The following SLC39A10 variants were observed in gnomAD, a reference collection of about 807,000 sequenced individuals.
SLC39A10 encodes the protein zinc transporter ZIP10.
A neutral mutation model predicts 65.1 loss-of-function variants in SLC39A10; 13 were observed. The ratio of observed to expected loss-of-function variants is 0.20; its 90% CI spans 0.13 to 0.32. SLC39A10 has a LOEUF of 0.32. SLC39A10 is among the 10% of genes least tolerant of loss of function. SLC39A10 has a pLI of 1.00. For synonymous variants in SLC39A10, 321 were observed against 342.2 expected, an observed-to-expected ratio of 0.94 and a Z score of 0.68; for missense variants, 831 against 1,018.4, an observed-to-expected ratio of 0.82 and a Z score of 2.50.
intron 2 of SLC39A10, among the ~76,000 whole-genome samples, chr2:195,635,279 C>T (rs1015602623): frequency 6.6e-6 from 1 of 152,186 alleles, no homozygotes; most frequent in South Asian, 2.1e-4. Context: ...CCTGGAGGCC[C>T]CTCTGGGTTA....
At chr2:195,705,971 C>CT (rs1265852744) in intron 3 of SLC39A10, among the ~76,000 whole-genome samples, 1 of 151,666 alleles carries the variant, frequency 6.6e-6, no homozygotes, top group Non-Finnish European at 1.5e-5. Flanking sequence ...TATATAGTGA[C>CT]TTTTTTTTAA....
At chr2:195,661,198 G>C (rs965413447) in intron 1 of SLC39A10, among the ~76,000 whole-genome samples, 1 of 151,864 alleles carries the variant, frequency 6.6e-6, no homozygotes, top group African/African-American at 2.4e-5. Flanking sequence ...AAGGTTTTAG[G>C]TTTTATTTAG....
At chr2:195,707,494 G>A (rs1045171807) in intron 4 of SLC39A10, among the ~76,000 whole-genome samples, 1 of 152,022 alleles carries the variant, frequency 6.6e-6, no homozygotes, top group Admixed American at 6.6e-5. Context: ...GAGAATTTGG[G>A]AGACAGGATT....
chr2:195,675,074 G>A (rs1026764073), intron 1 of SLC39A10, among the ~76,000 whole-genome samples: 1 of 152,174 alleles, frequency 6.6e-6, no homozygotes, highest in Non-Finnish European at 1.5e-5. Context: ...GCATGGGCAT[G>A]TGGTAGAGAC....
At chr2:195,623,099 G>A (rs545940975) in intron 2 of SLC39A10, among the ~76,000 whole-genome samples, 3 of 152,188 alleles carry the variant, frequency 2.0e-5, no homozygotes, top group African/African-American at 7.2e-5. Flanking sequence ...GATTACCTAG[G>A]CTAAGTCAGC....
At chr2:195,685,060 A>T (rs1690473711) in intron 3 of SLC39A10, among the ~76,000 whole-genome samples, 1 of 152,176 alleles carries the variant, frequency 6.6e-6, no homozygotes, top group Admixed American at 6.5e-5. Flanking sequence ...TTAGTCCTGT[A>T]ACCATTTTGC....
intron 1 of SLC39A10, among the ~76,000 whole-genome samples, chr2:195,674,026 A>G (rs1244873163): frequency 1.3e-5 from 2 of 152,174 alleles, no homozygotes; most frequent in Non-Finnish European, 2.9e-5. Flanking sequence ...TTCTCTTGCT[A>G]CATGAATATA....
At chr2:195,637,909 A>G (rs892208327) in intron 2 of SLC39A10, among the ~76,000 whole-genome samples, 2 of 152,212 alleles carry the variant, frequency 1.3e-5, no homozygotes, top group African/African-American at 4.8e-5. Context: ...GTGATAAGAC[A>G]AGTTAGTTAA....
At chr2:195,649,527 A>T (rs1166901451) in intron 2 of SLC39A10, among the ~76,000 whole-genome samples, 3 of 147,358 alleles carry the variant, frequency 2.0e-5, no homozygotes, top group African/African-American at 7.8e-5. Context: ...TTGAAATTTG[A>T]TCTTATGTGA....
At chr2:195,631,750 C>G (rs568445300) in intron 2 of SLC39A10, among the ~76,000 whole-genome samples, 2 of 152,234 alleles carry the variant, frequency 1.3e-5, no homozygotes, top group South Asian at 2.1e-4. Context: ...AGTAAATGCA[C>G]AACTACTACT....
chr2:195,704,508 C>G (rs893261396), intron 3 of SLC39A10, among the ~76,000 whole-genome samples: 6 of 152,016 alleles, frequency 3.9e-5, no homozygotes, highest in Non-Finnish European at 7.4e-5. Context: ...ATTTAGCTGG[C>G]CAATAACTTT....
Position 195,698,538 on chromosome 2 carries a change from AT to A in SLC39A10, c.1217-8074del, listed in dbSNP as rs1470087834. Among the ~76,000 whole-genome samples the A allele has an allele frequency of 2.0e-5, 3 of 151,738 alleles. No individual in the cohort carries two copies. In the East Asian group the frequency reaches 5.8e-4, roughly 29 times the overall value. ...TCTTTTGATCATGAGAGGATATTGA[AT>A]TTTGTCATGTGCTTTTTCTGCTCAT... On this transcript the variant is annotated intron_variant, in intron 3 of 9. Coordinates refer to ENST00000359634, the MANE Select transcript of SLC39A10 (RefSeq NM_020342.3).
At chr2:195,629,183 T>C (rs1385624028) in intron 2 of SLC39A10, among the ~76,000 whole-genome samples, 1 of 151,936 alleles carries the variant, frequency 6.6e-6, no homozygotes, top group Non-Finnish European at 1.5e-5. Flanking sequence ...GGTCAGGAAA[T>C]CGAGATCATC....
chr2:195,682,047 G>T (rs1014633958), intron 2 of SLC39A10, among the ~76,000 whole-genome samples: 5 of 152,148 alleles, frequency 3.3e-5, no homozygotes, highest in Non-Finnish European at 7.4e-5. Context: ...GTAATGGGAT[G>T]TCCTGTTTTC....
chr2:195,688,002 T>C (rs988448756), intron 3 of SLC39A10, among the ~76,000 whole-genome samples: 27 of 152,302 alleles, frequency 1.8e-4, no homozygotes, highest in African/African-American at 6.5e-4. Flanking sequence ...TTTAAAAGAA[T>C]GCATTTTCTC....
chr2:195,621,884 C>G (rs115399506), intron 2 of SLC39A10, among the ~76,000 whole-genome samples: 124 of 152,228 alleles, frequency 8.1e-4, no homozygotes, highest in African/African-American at 2.9e-3. Flanking sequence ...CCCGTTAACT[C>G]TTCATAAACA....
chr2:195,719,848 T>C (rs1691961998), intron 8 of SLC39A10, among the ~76,000 whole-genome samples: 1 of 149,672 alleles, frequency 6.7e-6, no homozygotes, highest in South Asian at 2.1e-4. Context: ...TGGAGTACAA[T>C]GGTGTGATCT....
At chr2:195,729,045 T>A (rs1028845705) in intron 9 of SLC39A10, among the ~76,000 whole-genome samples, 16 of 151,878 alleles carry the variant, frequency 1.1e-4, no homozygotes, top group Non-Finnish European at 2.2e-4. Context: ...TGAATATGGC[T>A]CACTGCAGCC....
At chr2:195,715,827 A>G (rs1366801112) in intron 6 of SLC39A10, among the ~76,000 whole-genome samples, 1 of 152,242 alleles carries the variant, frequency 6.6e-6, no homozygotes, top group South Asian at 2.1e-4. Context: ...TTTTATGCAG[A>G]AAAGTTGCAG....
Sources: allele counts gnomAD v4.1 joint callset (sites outside exome capture counted in the v4.1 genomes callset), GRCh38; gene constraint gnomAD v4.1.1; transcripts MANE v1.5; gene names NCBI Gene and HGNC (gene_info 2026-07-23, HGNC 2026-07-21).